Variants in HIBADH observed in about 807,000 individuals in gnomAD.
HIBADH encodes 3-hydroxyisobutyrate dehydrogenase.
In HIBADH, 25 loss-of-function variants were observed where a neutral mutation model predicts 36.1. The ratio of observed to expected loss-of-function variants is 0.69; its 90% CI spans 0.50 to 0.97. The LOEUF (loss-of-function observed/expected upper bound fraction) is 0.97. Among genes scored for constraint, HIBADH ranks in the 50% least tolerant of loss-of-function variants. The probability of loss-of-function intolerance (pLI) is 0.00; values close to 1 mark genes in which losing one functional copy is unlikely to be tolerated. For synonymous variants in HIBADH, 160 were observed against 149.5 expected, an observed-to-expected ratio of 1.07 and a Z score of -0.51; for missense variants, 421 against 418.0, an observed-to-expected ratio of 1.01 and a Z score of -0.06.
At chr7:27,646,196 G>A (rs1450852535) in intron 2 of HIBADH, among the ~76,000 whole-genome samples, 1 of 152,150 alleles carries the variant, frequency 6.6e-6, no homozygotes, top group Non-Finnish European at 1.5e-5. Flanking sequence ...GAGAAGGCAA[G>A]GGAGACCAAT....
chr7:27,652,719 G>C (rs992641171), intron 1 of HIBADH, among the ~76,000 whole-genome samples: 3 of 152,198 alleles, frequency 2.0e-5, no homozygotes, highest in Non-Finnish European at 4.4e-5. Flanking sequence ...AGAGCAGAAA[G>C]AGAAGCCACT....
chr7:27,591,241 C>G lies in HIBADH; in HGVS notation c.484+38130G>C, dbSNP rs182969884. On this transcript the variant is annotated intron_variant, in intron 4 of 7. Transcript: ENST00000265395. ...TTTTAAGTTGGTGAGGACCTGAGCC[C>G]TCTCAGCTCACTTAAGATTATCACC... Among the ~76,000 whole-genome samples the G allele has an allele frequency of 3.3e-5, 5 of 152,298 alleles. No individual in the cohort carries two copies. The East Asian group carries it at 9.6e-4, about 29-fold the overall frequency.
intron 4 of HIBADH, among the ~76,000 whole-genome samples, chr7:27,626,303 G>A (rs1785645803): frequency 6.6e-6 from 1 of 152,044 alleles, no homozygotes; most frequent in Non-Finnish European, 1.5e-5. Context: ...GCTGAGGCAT[G>A]CCAAAGTGCT....
chr7:27,614,901 A>G (rs1785399862), intron 4 of HIBADH, among the ~76,000 whole-genome samples: 1 of 152,190 alleles, frequency 6.6e-6, no homozygotes, highest in Non-Finnish European at 1.5e-5. Context: ...GCCAGTTAAC[A>G]AACATTCCAG....
intron 4 of HIBADH, among the ~76,000 whole-genome samples, chr7:27,608,420 T>G (rs1035843906): frequency 1.4e-4 from 22 of 152,200 alleles, no homozygotes; most frequent in Admixed American, 1.2e-3. Flanking sequence ...AAACAGAATT[T>G]TATGGCAAAT....
intron 4 of HIBADH, among the ~76,000 whole-genome samples, chr7:27,572,045 G>C (rs565989259): frequency 6.6e-6 from 1 of 152,140 alleles, no homozygotes; most frequent in Non-Finnish European, 1.5e-5. Context: ...ATTTGGCTTT[G>C]TTGGGGCCTA....
chr7:27,638,369 G>A (rs1405590216), intron 2 of HIBADH, among the ~76,000 whole-genome samples: 1 of 143,776 alleles, frequency 7.0e-6, no homozygotes, highest in Non-Finnish European at 1.5e-5. Flanking sequence ...AATAAATGGT[G>A]CTGGAATAAC....
intron 4 of HIBADH, among the ~76,000 whole-genome samples, chr7:27,590,606 G>A (rs1784924395): frequency 6.6e-6 from 1 of 152,120 alleles, no homozygotes; most frequent in South Asian, 2.1e-4. Flanking sequence ...AGGGACATCT[G>A]CTATTGCTTA....
intron 4 of HIBADH, among the ~76,000 whole-genome samples, chr7:27,573,438 T>A (rs1784657477): frequency 6.6e-6 from 1 of 152,200 alleles, no homozygotes; most frequent in South Asian, 2.1e-4. Context: ...TCCATGCCCA[T>A]CTCACTGATT....
intron 2 of HIBADH, among the ~76,000 whole-genome samples, chr7:27,640,155 A>G (rs1583614280): frequency 1.3e-5 from 2 of 152,318 alleles, no homozygotes; most frequent in East Asian, 3.9e-4. Flanking sequence ...AATACAAAGA[A>G]CAATGTACAG....
At chr7:27,659,058 T>A (rs1221170247) in intron 1 of HIBADH, among the ~76,000 whole-genome samples, 2 of 152,234 alleles carry the variant, frequency 1.3e-5, no homozygotes, top group African/African-American at 2.4e-5. Context: ...ATTTGATTTA[T>A]CCAATGAGTT....
At chr7:27,607,782 A>G (rs951147366) in intron 4 of HIBADH, among the ~76,000 whole-genome samples, 12 of 152,154 alleles carry the variant, frequency 7.9e-5, no homozygotes, top group African/African-American at 1.2e-4. Context: ...TAAAGGGTTA[A>G]TAAAATATGC....
chr7:27,537,315 G>A (rs1420180211), intron 6 of HIBADH, among the ~76,000 whole-genome samples: 1 of 152,126 alleles, frequency 6.6e-6, no homozygotes, highest in Non-Finnish European at 1.5e-5. Flanking sequence ...GGTCAAGATA[G>A]TTAAACATCT....
chr7:27,632,787 G>C (rs1785769823), intron 2 of HIBADH, among the ~76,000 whole-genome samples: 1 of 151,942 alleles, frequency 6.6e-6, no homozygotes, highest in South Asian at 2.1e-4. Context: ...CATAATCTTT[G>C]GTATACACTT....
chr7:27,532,853 T>C (rs527309990), intron 6 of HIBADH, among the ~76,000 whole-genome samples: 1 of 152,330 alleles, frequency 6.6e-6, no homozygotes, highest in South Asian at 2.1e-4. Context: ...AAGATTAGGC[T>C]ATCAGTATGC....
chr7:27,583,706 C>A (rs1370125601), intron 4 of HIBADH, among the ~76,000 whole-genome samples: 1 of 151,928 alleles, frequency 6.6e-6, no homozygotes, highest in Non-Finnish European at 1.5e-5. Flanking sequence ...TCATTTTAAA[C>A]CAGTGGTTCT....
intron 3 of HIBADH, among the ~76,000 whole-genome samples, chr7:27,631,896 G>C (rs1442810240): frequency 6.6e-6 from 1 of 152,146 alleles, no homozygotes; most frequent in African/African-American, 2.4e-5. Context: ...TACTACAAAC[G>C]TACTAACCCA....
At chr7:27,551,093 C>A (rs540769938) in intron 4 of HIBADH, among the ~76,000 whole-genome samples, 21 of 152,186 alleles carry the variant, frequency 1.4e-4, no homozygotes, top group Non-Finnish European at 2.8e-4. Flanking sequence ...ATAACATGTA[C>A]ACAATATATA....
chr7:27,551,266 T>C (rs942558381), intron 4 of HIBADH, among the ~76,000 whole-genome samples: 3 of 152,166 alleles, frequency 2.0e-5, no homozygotes, highest in East Asian at 1.9e-4. Context: ...AAAAACGTGA[T>C]TGAGTTAAAA....
Sources: gnomAD v4.1 joint callset for allele counts (sites outside exome capture counted in the v4.1 genomes callset) on GRCh38, gnomAD v4.1.1 for gene constraint, MANE v1.5 for transcripts, NCBI Gene and HGNC (gene_info 2026-07-23, HGNC 2026-07-21) for gene names.